SMARCAD1: variants seen among roughly 807,000 people sequenced by gnomAD.
SMARCAD1 encodes the protein SNF2 related chromatin remodeling ATPase with DExD box 1.
SMARCAD1 carries 25 observed loss-of-function variants against 127.1 expected under a neutral mutation model. That is an observed-to-expected ratio of 0.20 (90% CI 0.14 to 0.27). The LOEUF (loss-of-function observed/expected upper bound fraction) is 0.27. Among genes scored for constraint, SMARCAD1 ranks in the 10% least tolerant of loss-of-function variants. The pLI is 1.00. For synonymous variants in SMARCAD1, 400 were observed against 396.9 expected (o/e 1.01, Z -0.09); for missense variants, 807 against 1,206.0 (o/e 0.67, Z 4.90).
At chr4:94,272,743 A>G (rs1331441715) in intron 11 of SMARCAD1, among the ~76,000 whole-genome samples, 1 of 151,812 alleles carries the variant, frequency 6.6e-6, no homozygotes, top group Non-Finnish European at 1.5e-5. Context: ...AATACAGTGC[A>G]ATTTGTTGAT....
Position 94,265,567 on chromosome 4 carries a change from C to T in SMARCAD1, c.1481+661C>T, listed in dbSNP as rs901798724. Among the ~76,000 whole-genome samples the T allele has an allele frequency of 2.4e-4, 37 of 151,250 alleles. 1 individual carries two copies. The highest frequency in any genetic ancestry group is 8.0e-4 in the African/African-American group (33 of 41,224). On this transcript the variant is annotated intron_variant, in intron 10 of 23. Transcript: ENST00000354268. Reference sequence around the variant, plus strand: ...TTAAAGTGGTTTTTGTAATTGTGATCGCCCACATTTTGCATGTTGTTGGCA... The same window carrying T: ...TTAAAGTGGTTTTTGTAATTGTGATTGCCCACATTTTGCATGTTGTTGGCA...
intron 22 of SMARCAD1, among the ~76,000 whole-genome samples, chr4:94,284,350 AAAAG>A (rs1754587831): frequency 2.0e-5 from 2 of 100,368 alleles, no homozygotes; most frequent in African/African-American, 6.1e-5. Flanking sequence ...AAAAAAAAAA[AAAAG>A]AAAAAAGTAA....
intron 6 of SMARCAD1, among the ~76,000 whole-genome samples, chr4:94,245,515 A>T (rs1748274631): frequency 1.3e-5 from 2 of 152,182 alleles, no homozygotes; most frequent in Admixed American, 1.3e-4. Context: ...AATTTTATTT[A>T]TTCTTTATAT....
chr4:94,267,693 T>C (rs1751940898), intron 10 of SMARCAD1, among the ~76,000 whole-genome samples: 1 of 151,982 alleles, frequency 6.6e-6, no homozygotes, highest in Non-Finnish European at 1.5e-5. Context: ...TCTCAGAAAA[T>C]CTTTAAATCA....
At chr4:94,233,621 A>G (rs1406486130) in intron 3 of SMARCAD1, among the ~76,000 whole-genome samples, 4 of 152,148 alleles carry the variant, frequency 2.6e-5, no homozygotes, top group Non-Finnish European at 4.4e-5. Flanking sequence ...TGACATAGAG[A>G]GTATTGGTGA....
chr4:94,260,801 A>G (rs935867935), intron 9 of SMARCAD1, among the ~76,000 whole-genome samples: 1 of 152,126 alleles, frequency 6.6e-6, no homozygotes, highest in Admixed American at 6.5e-5. Flanking sequence ...GGTCACCCCC[A>G]CCTTTTAACC....
chr4:94,232,011 G>A (rs572671918), intron 3 of SMARCAD1, among the ~76,000 whole-genome samples: 8 of 151,934 alleles, frequency 5.3e-5, no homozygotes, highest in South Asian at 2.1e-4. Flanking sequence ...ACAGGCACCC[G>A]CCACCATGCC....
chr4:94,212,700 T>C (rs1742475960), intron 2 of SMARCAD1, among the ~76,000 whole-genome samples: 1 of 152,160 alleles, frequency 6.6e-6, no homozygotes, highest in African/African-American at 2.4e-5. Context: ...TTAGCCAGGC[T>C]AGTCTCAAAC....
At chr4:94,274,686 G>A in intron 12 of SMARCAD1, 52 bp from the exon 13 acceptor site, 1 of 1,500,666 alleles carries the variant, frequency 6.7e-7, no homozygotes, top group Non-Finnish European at 9.3e-7. Flanking sequence ...ATTTAACCAT[G>A]TGAACATACC....
chr4:94,253,255 T>C, intron 9 of SMARCAD1: 1 of 1,476,018 alleles, frequency 6.8e-7, no homozygotes, highest in Non-Finnish European at 9.0e-7. Flanking sequence ...CTGTCACTCA[T>C]TCCTTTGCAT....
At chr4:94,263,642 C>T (rs1192367062) in intron 9 of SMARCAD1, among the ~76,000 whole-genome samples, 1 of 151,884 alleles carries the variant, frequency 6.6e-6, no homozygotes, top group Non-Finnish European at 1.5e-5. Flanking sequence ...ATTGCTTGAG[C>T]TTTTTGCTGA....
At chr4:94,240,793 T>C (rs1747461049) in intron 5 of SMARCAD1, 113 bp from the exon 6 acceptor site, 2 of 745,272 alleles carry the variant, frequency 2.7e-6, no homozygotes, top group African/African-American at 1.7e-5. Flanking sequence ...CTGGGCCTGA[T>C]ATCAAGAGAA....
chr4:94,280,430 A>T (rs1753858458), intron 19 of SMARCAD1, among the ~76,000 whole-genome samples, 162 bp from the exon 20 acceptor site: 1 of 152,172 alleles, frequency 6.6e-6, no homozygotes, highest in South Asian at 2.1e-4. Flanking sequence ...CCCCTTTATT[A>T]TACCTAAAAG....
intron 3 of SMARCAD1, among the ~76,000 whole-genome samples, chr4:94,227,472 T>G (rs930014982): frequency 1.1e-4 from 16 of 152,178 alleles, no homozygotes; most frequent in Non-Finnish European, 1.5e-5. Context: ...ATGAGGCTAG[T>G]GCCTGTGGGA....
intron 9 of SMARCAD1, among the ~76,000 whole-genome samples, chr4:94,255,203 C>T (rs1267095320): frequency 6.6e-6 from 1 of 151,972 alleles, no homozygotes; most frequent in Non-Finnish European, 1.5e-5. Context: ...TTAAGAACAA[C>T]CTGCTAACAA....
intron 7 of SMARCAD1, among the ~76,000 whole-genome samples, chr4:94,249,997 T>C (rs571749566): frequency 5.9e-5 from 9 of 152,126 alleles, no homozygotes; most frequent in Middle Eastern, 3.4e-3. Context: ...TAATAAAAAT[T>C]GTGAACTCAT....
At chr4:94,209,755 C>G (rs1056232235) in intron 2 of SMARCAD1, among the ~76,000 whole-genome samples, 4 of 152,180 alleles carry the variant, frequency 2.6e-5, no homozygotes, top group Non-Finnish European at 2.9e-5. Flanking sequence ...AATTTAAATG[C>G]TATAGGGAAC....
chr4:94,250,884 T>C (rs755480105), intron 8 of SMARCAD1, 51 bp downstream of exon 8: 2 of 1,400,056 alleles, frequency 1.4e-6, no homozygotes, highest in Non-Finnish European at 2.0e-6. Flanking sequence ...TAGTCTGTAT[T>C]TTAGTATATA....
chr4:94,260,141 C>T (rs1422185993), intron 9 of SMARCAD1, among the ~76,000 whole-genome samples: 1 of 152,072 alleles, frequency 6.6e-6, no homozygotes, highest in Non-Finnish European at 1.5e-5. Context: ...TGTAGTTTAA[C>T]ATGTTCCACT....
Sources: allele counts gnomAD v4.1 joint callset (sites outside exome capture counted in the v4.1 genomes callset), GRCh38; gene constraint gnomAD v4.1.1; transcripts MANE v1.5; gene names NCBI Gene and HGNC (gene_info 2026-07-23, HGNC 2026-07-21).